Variants in RPS6KA2 observed in about 807,000 individuals in gnomAD.
RPS6KA2 encodes the protein ribosomal protein S6 kinase A2.
A neutral mutation model predicts 91.8 loss-of-function variants in RPS6KA2; 42 were observed. That is an observed-to-expected ratio of 0.46 (90% CI 0.36 to 0.59). The LOEUF (loss-of-function observed/expected upper bound fraction) is 0.59. RPS6KA2 is among the 20% of genes least tolerant of loss of function. RPS6KA2 has a pLI of 0.00. For missense variants in RPS6KA2, 798 were observed against 978.5 expected (o/e 0.82, Z 2.46); for synonymous variants, 414 against 393.6 (o/e 1.05, Z -0.61).
chr6:166,422,244 G>A (rs568328797), intron 17 of RPS6KA2, among the ~76,000 whole-genome samples: 2 of 152,258 alleles, frequency 1.3e-5, no homozygotes, highest in East Asian at 3.9e-4. Context: ...TCAAGTGTCT[G>A]GATGACCCCT....
chr6:166,723,140 T>C (rs554581642), intron 2 of RPS6KA2, among the ~76,000 whole-genome samples: 71 of 152,350 alleles, frequency 4.7e-4, no homozygotes, highest in African/African-American at 1.6e-3. Context: ...GACCCCCGCC[T>C]GGTGGGAAGG....
chr6:166,480,406 GA>G (rs1480265998), intron 10 of RPS6KA2, among the ~76,000 whole-genome samples: 1 of 147,036 alleles, frequency 6.8e-6, no homozygotes, highest in East Asian at 2.0e-4. Context: ...AGGGCTTTAG[GA>G]AAAATCTTCA....
Position 166,419,059 on chromosome 6 carries a change from G to T in RPS6KA2, c.1821-717C>A, listed in dbSNP as rs1263626629. On this transcript the variant is annotated intron_variant, in intron 18 of 20. Transcript: ENST00000265678. The surrounding 1 kb of genome is among the most constrained non-coding windows in gnomAD (Gnocchi z 5.6). ...CTGCAGTCCTCAGGGTGCGGCTTCA[G>T]GGCCTGATTTACTCTCCTTCTGCTG... Among the ~76,000 whole-genome samples the T allele has an allele frequency of 6.6e-6, 1 of 152,230 alleles. No individual in the cohort carries two copies. The highest frequency in any genetic ancestry group is 1.5e-5 in the Non-Finnish European group (1 of 68,040).
At position 166,490,223 on chromosome 6, in the gene RPS6KA2, T is replaced by C. The variant is rs946414713; in HGVS notation, c.818+448A>G. Among the ~76,000 whole-genome samples the C allele has an allele frequency of 6.6e-6, 1 of 152,062 alleles. No homozygotes were observed. The highest frequency in any genetic ancestry group is 1.5e-5 in the Non-Finnish European group (1 of 68,012). Reference sequence around the variant, plus strand: ...GTGCTATATGAATGGGGTCAGCAGGTGGGGAGGGAAAGGAGACCCCTGCTC... The same window carrying C: ...GTGCTATATGAATGGGGTCAGCAGGCGGGGAGGGAAAGGAGACCCCTGCTC... On this transcript the variant is annotated intron_variant, in intron 9 of 20. Transcript: ENST00000265678. This position sits in a 1 kb window ranked among gnomAD's most constrained non-coding sequence, Gnocchi z 4.2.
chr6:166,827,469 T>C (rs35191583), intron 2 of RPS6KA2, among the ~76,000 whole-genome samples: 22,395 of 152,130 alleles, frequency 0.15, 1,881 homozygotes, highest in Middle Eastern at 0.19. Flanking sequence ...AACACCTCTG[T>C]CTTTATCTCC....
chr6:166,819,976 AGAGT>A (rs1262969694), intron 2 of RPS6KA2, among the ~76,000 whole-genome samples: 1 of 152,090 alleles, frequency 6.6e-6, no homozygotes, highest in Non-Finnish European at 1.5e-5. Context: ...GCACTATATG[AGAGT>A]GTGTGTTTTG....
At chr6:166,413,698 G>A (rs564542856) in intron 20 of RPS6KA2, 96 bp downstream of exon 20, 5 of 1,333,084 alleles carry the variant, frequency 3.8e-6, no homozygotes, top group Admixed American at 2.1e-5. Context: ...CTCTTTCTCT[G>A]CACTCTGTGG....
intron 2 of RPS6KA2, among the ~76,000 whole-genome samples, chr6:166,752,213 C>T (rs183874427): frequency 2.5e-4 from 38 of 152,338 alleles, no homozygotes; most frequent in Admixed American, 3.9e-4. Flanking sequence ...AGCCAATGGG[C>T]GGTATAGCCA....
chr6:166,440,861 C>T (rs955444986), intron 14 of RPS6KA2, among the ~76,000 whole-genome samples: 13 of 152,134 alleles, frequency 8.5e-5, no homozygotes, highest in African/African-American at 2.2e-4. Context: ...CCGCAAGTGC[C>T]GCCGGTGAGT....
At chr6:166,482,115 C>T (rs1295270984) in intron 10 of RPS6KA2, among the ~76,000 whole-genome samples, 1 of 151,538 alleles carries the variant, frequency 6.6e-6, no homozygotes, top group Non-Finnish European at 1.5e-5. Flanking sequence ...AGAGTGGAGG[C>T]CTCTGCTGAG....
At chr6:166,466,554 C>A (rs1441304838) in intron 11 of RPS6KA2, among the ~76,000 whole-genome samples, 1 of 152,170 alleles carries the variant, frequency 6.6e-6, no homozygotes, top group Non-Finnish European at 1.5e-5. Flanking sequence ...AGGATGCTGC[C>A]CTGCCCACCT....
At chr6:166,649,861 T>C (rs549113526) in intron 2 of RPS6KA2, among the ~76,000 whole-genome samples, 1 of 152,334 alleles carries the variant, frequency 6.6e-6, no homozygotes, top group South Asian at 2.1e-4. Flanking sequence ...TGCAGGGCTG[T>C]CTTTCTGCGA....
chr6:166,628,183 C>G (rs1485385800), upstream of RPS6KA2, among the ~76,000 whole-genome samples: 1 of 152,188 alleles, frequency 6.6e-6, no homozygotes, highest in Non-Finnish European at 1.5e-5. Flanking sequence ...CAGCGCCGCT[C>G]GGGATCCGCC....
At position 166,578,463 on chromosome 6, in the gene RPS6KA2, G is replaced by A. The variant is rs1049024921; in HGVS notation, c.100-39679C>T. 1.5e-4 allele frequency among the ~76,000 whole-genome samples: 23 copies of A among 152,192 alleles called. No homozygotes were observed. In the East Asian group the frequency reaches 1.9e-3, roughly 13 times the overall value. On this transcript the variant is annotated intron_variant, in intron 1 of 20. Transcript: ENST00000265678. ...CCAGGGGCAAGCACCTTAGCCCTCC[G>A]GCACTTTGCTGTTCACTTTTGCAAA...
intron 20 of RPS6KA2, 152 bp from the exon 21 acceptor site, chr6:166,413,039 C>T (rs1185481359): frequency 2.4e-6 from 2 of 826,432 alleles, no homozygotes; most frequent in South Asian, 2.0e-5. Flanking sequence ...TGCTGTTAGC[C>T]TGCCGCCAGG....
intron 2 of RPS6KA2, among the ~76,000 whole-genome samples, chr6:166,683,090 G>A (rs111577854): frequency 3.6e-4 from 55 of 152,336 alleles, no homozygotes; most frequent in African/African-American, 1.2e-3. Context: ...GCTGGCAGCT[G>A]TGCTTCTGTG....
At chr6:166,413,015 C>A (rs764548337) in intron 20 of RPS6KA2, 128 bp from the exon 21 acceptor site, 17 of 1,045,978 alleles carry the variant, frequency 1.6e-5, no homozygotes, top group Non-Finnish European at 2.0e-5. Context: ...CCCCAGGGTC[C>A]CTGGAGCATG....
At chr6:166,585,356 T>G (rs2128518508) in intron 1 of RPS6KA2, among the ~76,000 whole-genome samples, 1 of 152,354 alleles carries the variant, frequency 6.6e-6, no homozygotes, top group Middle Eastern at 3.4e-3. Flanking sequence ...ATGTCTGTAT[T>G]GATTAGTTAT....
chr6:166,482,633 G>T (rs1053426412), intron 10 of RPS6KA2, among the ~76,000 whole-genome samples: 1 of 152,200 alleles, frequency 6.6e-6, no homozygotes, highest in South Asian at 2.1e-4. Context: ...GGCTTCGGGC[G>T]ATGATGAGGA....
Sources: gnomAD v4.1 joint callset for allele counts (sites outside exome capture counted in the v4.1 genomes callset) on GRCh38, gnomAD v4.1.1 for gene constraint, Gnocchi (gnomAD v3.1) non-coding constraint, MANE v1.5 for transcripts, NCBI Gene and HGNC (gene_info 2026-07-23, HGNC 2026-07-21) for gene names.